The following NEDD4L variants were observed in gnomAD, a reference collection of about 807,000 sequenced individuals.
NEDD4L encodes E3 ubiquitin-protein ligase NEDD4-like.
A neutral mutation model predicts 148.9 loss-of-function variants in NEDD4L; 54 were observed. The ratio of observed to expected loss-of-function variants is 0.36; its 90% confidence interval spans 0.29 to 0.45. NEDD4L has a LOEUF of 0.45. Ranked by LOEUF, NEDD4L falls within the 20% of genes least tolerant of loss-of-function variation. The pLI is 1.00. For missense variants in NEDD4L, 856 were observed against 1,233.8 expected, an observed-to-expected ratio of 0.69 and a Z score of 4.59; for synonymous variants, 433 against 440.7, an observed-to-expected ratio of 0.98 and a Z score of 0.22.
chr18:58,139,339 C>G (rs2033228657), intron 1 of NEDD4L, among the ~76,000 whole-genome samples: 2 of 140,674 alleles, frequency 1.4e-5, no homozygotes, highest in South Asian at 5.1e-4. Flanking sequence ...ACATTTCTGT[C>G]AGTACCCTCA....
chr18:58,364,217 A>C (rs1057435150), intron 19 of NEDD4L, 51 bp from the exon 20 acceptor site: 2 of 1,110,884 alleles, frequency 1.8e-6, no homozygotes, highest in Non-Finnish European at 2.7e-6. Flanking sequence ...GTATACATAA[A>C]ATTTCAGGTG....
chr18:58,213,559 A>G (rs142180316), intron 2 of NEDD4L, among the ~76,000 whole-genome samples: 2 of 152,322 alleles, frequency 1.3e-5, no homozygotes, highest in South Asian at 2.1e-4. Flanking sequence ...CTCATTCTGT[A>G]TGTTAAGCAG....
At chr18:58,171,923 A>G (rs971238193) in intron 2 of NEDD4L, among the ~76,000 whole-genome samples, 1 of 152,224 alleles carries the variant, frequency 6.6e-6, no homozygotes, top group Non-Finnish European at 1.5e-5. Flanking sequence ...GATGGCAGGC[A>G]AGGAACAGTC....
chr18:58,258,299 C>G (rs1235002000), intron 5 of NEDD4L, among the ~76,000 whole-genome samples: 1 of 152,178 alleles, frequency 6.6e-6, no homozygotes, highest in Non-Finnish European at 1.5e-5. Context: ...CAGTTGTAGG[C>G]TTTGTTCGGC....
At chr18:58,376,828 C>G (rs1445994483) in intron 24 of NEDD4L, among the ~76,000 whole-genome samples, 1 of 152,228 alleles carries the variant, frequency 6.6e-6, no homozygotes, top group Non-Finnish European at 1.5e-5. Flanking sequence ...TGCTCCTCCT[C>G]CAGACTCACT....
At chr18:58,381,997 G>T (rs895877087) in intron 24 of NEDD4L, among the ~76,000 whole-genome samples, 12 of 152,284 alleles carry the variant, frequency 7.9e-5, no homozygotes, top group African/African-American at 2.9e-4. Context: ...CGCAGCAAAG[G>T]GATTAAAATT....
chr18:58,357,241 A>G lies in NEDD4L; in HGVS notation c.1756A>G (p.Ile586Val), dbSNP rs755525575. ...WEDPRLQNPA[I>V]TGPAVPYSRE... is the part of the protein sequence containing the mutation. ...AGACCCAAGACTGCAGAACCCAGCT[A>G]TTACTGGTCCGGTCAGTATTTTCAA... The change falls in exon 19 of 31, where the codon ATT becomes GTT. Residue 586 changes from isoleucine to valine, a missense_variant. Transcript: ENST00000400345. The G allele has an allele frequency of 2.5e-6, 4 of 1,612,540 alleles. No individual in the cohort carries two copies. Among genetic ancestry groups the G allele is most frequent in the Admixed American group, 1.7e-5 (1 of 59,950 alleles).
intron 2 of NEDD4L, chr18:58,227,790 T>C (rs761917849): frequency 1.6e-4 from 102 of 644,662 alleles, no homozygotes; most frequent in Non-Finnish European, 1.7e-4. Flanking sequence ...AATTGCCTCT[T>C]GTTCAAACTC....
At chr18:58,324,556 T>C (rs544483246) in intron 8 of NEDD4L, among the ~76,000 whole-genome samples, 3 of 152,244 alleles carry the variant, frequency 2.0e-5, no homozygotes, top group Non-Finnish European at 2.9e-5. Flanking sequence ...GCAGCTCATC[T>C]TCCCTGCTCC....
intron 2 of NEDD4L, among the ~76,000 whole-genome samples, chr18:58,240,593 A>T (rs964612552): frequency 2.0e-5 from 3 of 152,152 alleles, no homozygotes; most frequent in African/African-American, 7.2e-5. Flanking sequence ...TACCTGCTAC[A>T]TTCAGTTGGC....
intron 1 of NEDD4L, 41 bp from the exon 2 acceptor site, chr18:58,165,747 G>A (rs1208680319): frequency 6.4e-7 from 1 of 1,565,482 alleles, no homozygotes; most frequent in African/African-American, 1.3e-5. Flanking sequence ...ATTGATTGAA[G>A]ATCAGGTTTT....
At chr18:58,200,488 T>G (rs1450451282) in intron 2 of NEDD4L, among the ~76,000 whole-genome samples, 1 of 152,246 alleles carries the variant, frequency 6.6e-6, no homozygotes, top group African/African-American at 2.4e-5. Context: ...CTTCTGGGTC[T>G]GTAAAGCCAC....
chr18:58,297,803 T>C (rs2055872156), intron 5 of NEDD4L, among the ~76,000 whole-genome samples: 1 of 152,156 alleles, frequency 6.6e-6, no homozygotes, highest in Admixed American at 6.5e-5. Context: ...AATATCTCTG[T>C]GTGCTGGAAC....
At chr18:58,160,523 C>T (rs1451989176) in intron 1 of NEDD4L, among the ~76,000 whole-genome samples, 1 of 152,192 alleles carries the variant, frequency 6.6e-6, no homozygotes, top group Non-Finnish European at 1.5e-5. Context: ...ATTGTACAGC[C>T]AATCTATGAA....
At chr18:58,082,102 A>ATATTTTTTTTTTTTTTTTTTTTTTTT in intron 1 of NEDD4L, among the ~76,000 whole-genome samples, 5 of 48,832 alleles carry the variant, frequency 1.0e-4, no homozygotes, top group Non-Finnish European at 9.4e-5. Flanking sequence ...ATATATATAT[A>ATATTTTTTTTTTTTTTTTTTTTTTTT]TTTTTTTTTT....
At chr18:58,353,124 C>T (rs950630669) in intron 18 of NEDD4L, among the ~76,000 whole-genome samples, 11 of 152,124 alleles carry the variant, frequency 7.2e-5, no homozygotes, top group Admixed American at 6.5e-5. Flanking sequence ...AGTAGGTGCC[C>T]CCACTCCGGC....
intron 1 of NEDD4L, among the ~76,000 whole-genome samples, chr18:58,157,458 A>G (rs1041387789): frequency 2.0e-5 from 3 of 152,072 alleles, no homozygotes; most frequent in Non-Finnish European, 4.4e-5. Flanking sequence ...ACGTAAGCAA[A>G]TATTCGTACA....
chr18:58,388,770 A>G (rs1252895435), intron 27 of NEDD4L: 4 of 333,452 alleles, frequency 1.2e-5, no homozygotes, highest in Non-Finnish European at 2.3e-5. Context: ...ATGCTGCTGG[A>G]GCGTGAGAGA....
At chr18:58,276,858 G>C (rs1255901548) in intron 5 of NEDD4L, among the ~76,000 whole-genome samples, 1 of 152,150 alleles carries the variant, frequency 6.6e-6, no homozygotes, top group Non-Finnish European at 1.5e-5. Context: ...TGCAGGGTCT[G>C]TAGTTGCTGG....
Sources: gnomAD v4.1 joint callset for allele counts (sites outside exome capture counted in the v4.1 genomes callset) on GRCh38, gnomAD v4.1.1 for gene constraint, MANE v1.5 for transcripts, NCBI Gene and HGNC (gene_info 2026-07-23, HGNC 2026-07-21) for gene names.